Variants in KAZN observed in about 807,000 individuals in gnomAD.
KAZN encodes kazrin, periplakin interacting protein, also known as kazrin.
KAZN carries 40 observed loss-of-function variants against 87.4 expected under a neutral mutation model. The ratio of observed to expected loss-of-function variants is 0.46; its 90% CI spans 0.36 to 0.60. The LOEUF is 0.60. Ranked by LOEUF, KAZN falls within the 20% of genes least tolerant of loss-of-function variation. The pLI, the probability that KAZN is intolerant of heterozygous loss-of-function variation, is 0.00. For synonymous variants in KAZN, 466 were observed against 458.3 expected (o/e 1.02, Z -0.22); for missense variants, 898 against 1,073.9 (o/e 0.84, Z 2.29).
At chr1:13,935,693 G>C (rs937965673) in intron 1 of KAZN, among the ~76,000 whole-genome samples, 1 of 152,042 alleles carries the variant, frequency 6.6e-6, no homozygotes, top group Non-Finnish European at 1.5e-5. Flanking sequence ...GACAATCCCC[G>C]CTATAAATAT....
intron 1 of KAZN, among the ~76,000 whole-genome samples, chr1:14,109,494 T>C (rs941395325): frequency 1.3e-5 from 2 of 152,198 alleles, no homozygotes; most frequent in Non-Finnish European, 2.9e-5. Flanking sequence ...TAGTTTGAAG[T>C]TTCAGTAGGT....
intron 1 of KAZN, chr1:14,924,555 G>T: frequency 9.9e-7 from 1 of 1,012,632 alleles, no homozygotes; most frequent in Non-Finnish European, 1.2e-6. Flanking sequence ...CGAGCGGATG[G>T]CGACTGCAGC....
At chr1:14,270,603 G>C (rs774636669) in intron 2 of KAZN, among the ~76,000 whole-genome samples, 1 of 152,234 alleles carries the variant, frequency 6.6e-6, no homozygotes, top group Non-Finnish European at 1.5e-5. Context: ...TACTGAGGAG[G>C]TCTATCCTAC....
At chr1:14,060,097 G>GT (rs142105491) in intron 1 of KAZN, among the ~76,000 whole-genome samples, 1,647 of 151,204 alleles carry the variant, frequency 0.011, 30 homozygotes, top group African/African-American at 0.038. Context: ...GGGGGCAGTG[G>GT]TTCACGCCTG....
chr1:14,129,826 T>C (rs983303541), intron 1 of KAZN, among the ~76,000 whole-genome samples: 1 of 152,218 alleles, frequency 6.6e-6, no homozygotes, highest in African/African-American at 2.4e-5. Context: ...TATCCATTTG[T>C]GAGTTTACTG....
At chr1:14,886,825 C>T (rs1654119814) in intron 1 of KAZN, among the ~76,000 whole-genome samples, 1 of 152,160 alleles carries the variant, frequency 6.6e-6, no homozygotes. Flanking sequence ...TATGTCTTTA[C>T]ATGTATACCT....
intron 2 of KAZN, among the ~76,000 whole-genome samples, chr1:14,420,993 G>T (rs942940926): frequency 6.6e-6 from 1 of 151,274 alleles, no homozygotes; most frequent in Non-Finnish European, 1.5e-5. Context: ...GCAGCGGTGG[G>T]CTGAAGGGCT....
At chr1:14,620,727 A>G (rs959540820) in intron 1 of KAZN, among the ~76,000 whole-genome samples, 1 of 152,226 alleles carries the variant, frequency 6.6e-6, no homozygotes, top group Non-Finnish European at 1.5e-5. Context: ...TGCCACTACT[A>G]TAATAGCTGT....
At chr1:14,187,112 T>G (rs1646324929) in intron 2 of KAZN, among the ~76,000 whole-genome samples, 1 of 152,142 alleles carries the variant, frequency 6.6e-6, no homozygotes, top group Admixed American at 6.5e-5. Context: ...GGTATTAAGC[T>G]TGAATAAAAT....
intron 2 of KAZN, among the ~76,000 whole-genome samples, chr1:14,204,991 A>G (rs1426567966): frequency 6.6e-6 from 1 of 152,210 alleles, no homozygotes; most frequent in Non-Finnish European, 1.5e-5. Context: ...GGTGTTCTTG[A>G]TTTCCTGGAA....
intron 2 of KAZN, among the ~76,000 whole-genome samples, chr1:14,484,048 T>C (rs1252798107): frequency 5.9e-5 from 9 of 152,224 alleles, no homozygotes; most frequent in Non-Finnish European, 1.3e-4. Context: ...TTTCTTGGCA[T>C]CTTTATTGAA....
intron 1 of KAZN, among the ~76,000 whole-genome samples, chr1:14,032,021 G>GCTGT (rs1641350745): frequency 6.6e-6 from 1 of 152,130 alleles, no homozygotes; most frequent in Admixed American, 6.5e-5. Flanking sequence ...TGGCTGGCTG[G>GCTGT]CTGTTAAAAG....
At chr1:14,198,018 C>A (rs1293587492) in intron 2 of KAZN, among the ~76,000 whole-genome samples, 1 of 14,604 alleles carries the variant, frequency 6.8e-5, no homozygotes, top group African/African-American at 5.0e-4. Flanking sequence ...GTTGAAAAAT[C>A]ATAGTAACAG....
At chr1:14,064,284 C>G (rs1028345510) in intron 1 of KAZN, among the ~76,000 whole-genome samples, 26 of 152,216 alleles carry the variant, frequency 1.7e-4, no homozygotes, top group Non-Finnish European at 3.7e-4. Flanking sequence ...GCTGGGGGCT[C>G]TAAATTGACA....
chr1:14,399,329 G>A (rs946371896), intron 2 of KAZN, among the ~76,000 whole-genome samples: 1 of 152,058 alleles, frequency 6.6e-6, no homozygotes, highest in African/African-American at 2.4e-5. Flanking sequence ...AAGATGTTTT[G>A]ATAACAGCTA....
At chr1:14,405,797 G>C (rs1169090693) in intron 2 of KAZN, among the ~76,000 whole-genome samples, 1 of 152,062 alleles carries the variant, frequency 6.6e-6, no homozygotes, top group Non-Finnish European at 1.5e-5. Flanking sequence ...GCCAGCTCAA[G>C]ACCCAGGAAG....
At chr1:14,091,691 C>T (rs10928003) in intron 1 of KAZN, among the ~76,000 whole-genome samples, 58,169 of 151,974 alleles carry the variant, frequency 0.38, 11,593 homozygotes, top group East Asian at 0.68. Context: ...TTTTGGGGGC[C>T]TATGGGTTTG....
At chr1:13,929,338 C>T (rs1295199064) in intron 1 of KAZN, among the ~76,000 whole-genome samples, 5 of 152,106 alleles carry the variant, frequency 3.3e-5, no homozygotes, top group African/African-American at 4.8e-5. Context: ...AGGCTGCTGG[C>T]GGGCATACCT....
At position 14,548,489 on chromosome 1, in the gene KAZN, G is replaced by A. The variant is rs551663611; in HGVS notation, c.250-50494G>A. ...GCTGCGATTACAGGCGTGAGCTACC[G>A]TGCCCAGCCTCCACGCATTTCTTTA... On this transcript the variant is annotated intron_variant, in intron 2 of 16. Transcript: ENST00000636203. Among the ~76,000 whole-genome samples the A allele has an allele frequency of 7.9e-5, 12 of 152,230 alleles. No individual in the cohort carries two copies. The East Asian group carries it at 2.1e-3, about 27-fold the overall frequency.
Sources: gnomAD v4.1 joint callset for allele counts (sites outside exome capture counted in the v4.1 genomes callset) on GRCh38, gnomAD v4.1.1 for gene constraint, MANE v1.5 for transcripts, NCBI Gene and HGNC (gene_info 2026-07-23, HGNC 2026-07-21) for gene names.